Variants in LUZP2 observed in about 807,000 individuals in gnomAD.
The protein encoded by LUZP2 is leucine zipper protein 2.
Under a neutral mutation model 51.6 loss-of-function variants are expected in LUZP2, and 52 were observed. The ratio of observed to expected loss-of-function variants is 1.01; its 90% CI spans 0.81 to 1.27. The LOEUF (loss-of-function observed/expected upper bound fraction) is 1.27. LUZP2 is among the 50% of genes most tolerant of loss of function. The probability of loss-of-function intolerance (pLI) is 0.00; values close to 1 mark genes in which losing one functional copy is unlikely to be tolerated. For synonymous variants in LUZP2, 154 were observed against 137.3 expected, an observed-to-expected ratio of 1.12 and a Z score of -0.85; for missense variants, 436 against 395.4, an observed-to-expected ratio of 1.10 and a Z score of -0.87.
intron 9 of LUZP2, among the ~76,000 whole-genome samples, chr11:24,990,060 A>T (rs1024635594): frequency 1.8e-4 from 28 of 152,114 alleles, no homozygotes; most frequent in Admixed American, 1.1e-3. Flanking sequence ...CCATCAATAT[A>T]TGGGGTCTAT....
chr11:24,662,194 G>A (rs558919312), intron 1 of LUZP2, among the ~76,000 whole-genome samples: 19 of 152,044 alleles, frequency 1.2e-4, no homozygotes, highest in Non-Finnish European at 2.8e-4. Context: ...GAGTTAGTAA[G>A]CAAATAAGAG....
intron 5 of LUZP2, among the ~76,000 whole-genome samples, chr11:24,852,310 T>C (rs1403715986): frequency 6.6e-6 from 1 of 152,236 alleles, no homozygotes; most frequent in Non-Finnish European, 1.5e-5. Flanking sequence ...ATTGTGTCTT[T>C]GTTCTCATTG....
intron 1 of LUZP2, among the ~76,000 whole-genome samples, chr11:24,578,205 G>T (rs1590202088): frequency 1.3e-5 from 2 of 152,150 alleles, no homozygotes; most frequent in African/African-American, 4.8e-5. Context: ...TGAGGAGTAA[G>T]AAACTTCTTA....
At chr11:24,765,889 G>T (rs1860173593) in intron 5 of LUZP2, among the ~76,000 whole-genome samples, 1 of 151,982 alleles carries the variant, frequency 6.6e-6, no homozygotes, top group Non-Finnish European at 1.5e-5. Flanking sequence ...GCCTCCCAAA[G>T]TGCTGGGATT....
At chr11:24,829,918 A>G (rs1427854832) in intron 5 of LUZP2, among the ~76,000 whole-genome samples, 1 of 152,114 alleles carries the variant, frequency 6.6e-6, no homozygotes, top group Non-Finnish European at 1.5e-5. Flanking sequence ...AGTTTTACGT[A>G]TTTTTCATCA....
chr11:24,654,681 G>A (rs10834415), intron 1 of LUZP2, among the ~76,000 whole-genome samples: 39,963 of 134,346 alleles, frequency 0.3, 5,925 homozygotes, highest in Admixed American at 0.44. Flanking sequence ...TGCACCACGA[G>A]GCCTGGCTAA....
In LUZP2 at chr11:24,787,775, G is replaced by C. The variant is rs575894132; in HGVS notation, c.396+24467G>C. Among the ~76,000 whole-genome samples, 5 of 152,188 alleles carry C rather than the reference G, an allele frequency of 3.3e-5. No homozygotes were observed. The South Asian group carries it at 1.0e-3, about 32-fold the overall frequency. ...TTGTTCTTGTAATTCACAAAGCTAG[G>C]TCATCAATGCAATACACATAATTAT... On this transcript the variant is annotated intron_variant, in intron 5 of 11. Transcript: ENST00000336930.
At chr11:24,527,211 A>G (rs1157227799) in intron 1 of LUZP2, among the ~76,000 whole-genome samples, 2 of 151,332 alleles carry the variant, frequency 1.3e-5, no homozygotes, top group Admixed American at 6.6e-5. Flanking sequence ...CTCTCTCAAT[A>G]TGGTTTATCT....
intron 4 of LUZP2, among the ~76,000 whole-genome samples, chr11:24,740,938 T>C (rs998773531): frequency 6.6e-6 from 1 of 152,082 alleles, no homozygotes; most frequent in African/African-American, 2.4e-5. Flanking sequence ...AACTTCTAAG[T>C]TGTATCACAT....
intron 7 of LUZP2, among the ~76,000 whole-genome samples, chr11:24,942,279 A>G (rs1676578711): frequency 6.6e-6 from 1 of 152,170 alleles, no homozygotes; most frequent in Non-Finnish European, 1.5e-5. Context: ...TGTATAAAAA[A>G]TTGCCAATTA....
chr11:24,726,384 T>C (rs1337637512), intron 1 of LUZP2, among the ~76,000 whole-genome samples: 1 of 151,824 alleles, frequency 6.6e-6, no homozygotes, highest in African/African-American at 2.4e-5. Context: ...GATAGGCAAT[T>C]TACCAGCACA....
At chr11:24,524,707 T>A (rs190805990) in intron 1 of LUZP2, among the ~76,000 whole-genome samples, 51 of 151,870 alleles carry the variant, frequency 3.4e-4, no homozygotes, top group African/African-American at 1.2e-3. Flanking sequence ...TAGCAATTTT[T>A]AAAAATGAGA....
intron 7 of LUZP2, among the ~76,000 whole-genome samples, chr11:24,920,729 G>A (rs1428351684): frequency 6.6e-6 from 1 of 151,746 alleles, no homozygotes; most frequent in Admixed American, 6.6e-5. Flanking sequence ...CTTAAAAATG[G>A]AAGCTAAATA....
At chr11:24,926,363 A>ATATATATATACGTGTGTG (rs1565119385) in intron 7 of LUZP2, among the ~76,000 whole-genome samples, 9 of 44,442 alleles carry the variant, frequency 2.0e-4, no homozygotes, top group East Asian at 1.4e-3. Flanking sequence ...ATACGTGTGT[A>ATATATATATACGTGTGTG]TATATATATA....
chr11:24,737,104 A>G (rs1446389498), intron 3 of LUZP2, among the ~76,000 whole-genome samples: 1 of 152,098 alleles, frequency 6.6e-6, no homozygotes, highest in Non-Finnish European at 1.5e-5. Context: ...GAGAATGAAC[A>G]TAAGGGTGTG....
At chr11:24,601,886 A>ACG (rs1853653767) in intron 1 of LUZP2, among the ~76,000 whole-genome samples, 1 of 29,444 alleles carries the variant, frequency 3.4e-5, no homozygotes, top group South Asian at 1.5e-3. Flanking sequence ...ACATGTATAT[A>ACG]TGTATATATG....
At chr11:25,062,428 T>TAAAA (rs367774912) in intron 10 of LUZP2, among the ~76,000 whole-genome samples, 36 of 145,246 alleles carry the variant, frequency 2.5e-4, no homozygotes, top group Non-Finnish European at 3.1e-5. Flanking sequence ...CTATAAAGAA[T>TAAAA]AAAAAAATAT....
intron 1 of LUZP2, among the ~76,000 whole-genome samples, chr11:24,687,723 A>T (rs1305752549): frequency 6.6e-6 from 1 of 152,030 alleles, no homozygotes; most frequent in Non-Finnish European, 1.5e-5. Flanking sequence ...GACTTCCTCC[A>T]CTCATGCTCA....
At chr11:24,893,528 A>T (rs1198264285) in intron 5 of LUZP2, among the ~76,000 whole-genome samples, 1 of 152,130 alleles carries the variant, frequency 6.6e-6, no homozygotes, top group Admixed American at 6.5e-5. Context: ...AACAACAGAG[A>T]TCCTTGGAGA....
Sources: allele counts gnomAD v4.1 joint callset (sites outside exome capture counted in the v4.1 genomes callset), GRCh38; gene constraint gnomAD v4.1.1; transcripts MANE v1.5; gene names NCBI Gene and HGNC (gene_info 2026-07-23, HGNC 2026-07-21).